Variants in FAM171A1 observed in about 807,000 individuals in gnomAD.
FAM171A1 encodes the protein family with sequence similarity 171 member A1.
Under a neutral mutation model 74.9 loss-of-function variants are expected in FAM171A1, and 23 were observed. The ratio of observed to expected loss-of-function variants is 0.31; its 90% CI spans 0.22 to 0.44. The LOEUF (loss-of-function observed/expected upper bound fraction) is 0.44, where lower values mean the gene tolerates loss of function less well. Among genes scored for constraint, FAM171A1 ranks in the 20% least tolerant of loss-of-function variants. The pLI is 1.00. For synonymous variants in FAM171A1, 527 were observed against 505.7 expected, an observed-to-expected ratio of 1.04 and a Z score of -0.57; for missense variants, 1,162 against 1,159.2, an observed-to-expected ratio of 1.00 and a Z score of -0.03.
At chr10:15,263,839 C>A (rs575961646) in intron 3 of FAM171A1, among the ~76,000 whole-genome samples, 5 of 151,358 alleles carry the variant, frequency 3.3e-5, no homozygotes, top group Admixed American at 1.3e-4. Context: ...TCTATCTATA[C>A]ATTTATCTCA....
intron 1 of FAM171A1, among the ~76,000 whole-genome samples, chr10:15,323,547 C>T (rs1001590136): frequency 6.6e-6 from 1 of 152,148 alleles, no homozygotes; most frequent in Non-Finnish European, 1.5e-5. Flanking sequence ...TCAGTACGTT[C>T]TCTCCCCTGC....
intron 1 of FAM171A1, among the ~76,000 whole-genome samples, chr10:15,352,271 A>C (rs1427377530): frequency 6.6e-6 from 1 of 152,064 alleles, no homozygotes; most frequent in East Asian, 1.9e-4. Context: ...TAAAATAAAA[A>C]TTAAAAAACA....
At chr10:15,269,753 T>C (rs537359295) in intron 3 of FAM171A1, among the ~76,000 whole-genome samples, 2 of 152,280 alleles carry the variant, frequency 1.3e-5, no homozygotes, top group Non-Finnish European at 2.9e-5. Flanking sequence ...AGGAAAGGGA[T>C]GGTGGCACAC....
At position 15,253,503 on chromosome 10, in the gene FAM171A1, T is replaced by A. The variant is rs563420147; in HGVS notation, c.577+1218A>T. ...GCACACAAAAATTAAAGAAGAAACG[T>A]TTTGGAAAACAGAGAGAAGAAAAAT... On this transcript the variant is annotated intron_variant, in intron 4 of 7. Transcript: ENST00000378116. 3.3e-5 allele frequency among the ~76,000 whole-genome samples: 5 copies of A among 152,278 alleles called. No homozygotes were observed. In the East Asian group the frequency reaches 9.6e-4, roughly 29 times the overall value.
intron 4 of FAM171A1, among the ~76,000 whole-genome samples, chr10:15,249,581 A>G (rs1470738197): frequency 6.6e-6 from 1 of 152,252 alleles, no homozygotes; most frequent in Non-Finnish European, 1.5e-5. Flanking sequence ...AATGTTTTAG[A>G]GCAGAGGCTG....
At chr10:15,291,309 C>T (rs1251367161) in intron 1 of FAM171A1, among the ~76,000 whole-genome samples, 2 of 152,154 alleles carry the variant, frequency 1.3e-5, no homozygotes, top group African/African-American at 4.8e-5. Flanking sequence ...TGAAACTAAC[C>T]ATCTCTTAAC....
At chr10:15,285,453 A>G (rs1835024135) in intron 1 of FAM171A1, among the ~76,000 whole-genome samples, 1 of 152,200 alleles carries the variant, frequency 6.6e-6, no homozygotes, top group African/African-American at 2.4e-5. Flanking sequence ...TGGGCTGAGG[A>G]AGAGGCAAGG....
At chr10:15,270,290 A>C (rs747197559) in intron 3 of FAM171A1, among the ~76,000 whole-genome samples, 1 of 152,230 alleles carries the variant, frequency 6.6e-6, no homozygotes, top group Non-Finnish European at 1.5e-5. Context: ...CTAGCACAGC[A>C]GTCTGAGATT....
At chr10:15,330,159 T>C (rs541892839) in intron 1 of FAM171A1, among the ~76,000 whole-genome samples, 8 of 152,144 alleles carry the variant, frequency 5.3e-5, no homozygotes, top group South Asian at 4.2e-4. Flanking sequence ...CTGGCCTACA[T>C]AGTGAAACTC....
chr10:15,253,998 G>C (rs1297798948), intron 4 of FAM171A1, among the ~76,000 whole-genome samples: 2 of 152,290 alleles, frequency 1.3e-5, no homozygotes, highest in Middle Eastern at 3.4e-3. Context: ...TTTTAGCTGT[G>C]GCATGCCAGA....
At chr10:15,275,972 A>G in intron 2 of FAM171A1, 25 bp from the exon 3 acceptor site, 1 of 1,559,632 alleles carries the variant, frequency 6.4e-7, no homozygotes, top group Non-Finnish European at 8.8e-7. Context: ...AATGGATAGA[A>G]GGGGATTTTA....
chr10:15,275,401 C>T (rs1834880377), intron 3 of FAM171A1, among the ~76,000 whole-genome samples: 1 of 151,902 alleles, frequency 6.6e-6, no homozygotes, highest in Admixed American at 6.6e-5. Flanking sequence ...ATTCTCCTGC[C>T]TCAGCCTCCC....
At chr10:15,283,733 C>T (rs1167480415) in intron 2 of FAM171A1, 145 bp downstream of exon 2, 2 of 734,378 alleles carry the variant, frequency 2.7e-6, no homozygotes, top group Non-Finnish European at 4.5e-6. Context: ...TACAGGTGCA[C>T]ACTATGATGC....
chr10:15,312,563 A>T (rs531814960), intron 1 of FAM171A1, among the ~76,000 whole-genome samples: 1 of 151,130 alleles, frequency 6.6e-6, no homozygotes, highest in Admixed American at 6.6e-5. Context: ...TGTGCAGCTC[A>T]GATTGTGGCT....
chr10:15,302,432 T>C (rs1835241720), intron 1 of FAM171A1, among the ~76,000 whole-genome samples: 1 of 148,350 alleles, frequency 6.7e-6, no homozygotes, highest in South Asian at 2.1e-4. Flanking sequence ...GCCACTGCAC[T>C]GCAGCCTGGG....
intron 1 of FAM171A1, among the ~76,000 whole-genome samples, chr10:15,337,485 C>A (rs1173686582): frequency 6.7e-6 from 1 of 149,570 alleles, no homozygotes; most frequent in Non-Finnish European, 1.5e-5. Flanking sequence ...CGCCTGTAAT[C>A]CCAGCACTTT....
At chr10:15,369,428 C>T (rs1278387822) in intron 1 of FAM171A1, among the ~76,000 whole-genome samples, 1 of 152,098 alleles carries the variant, frequency 6.6e-6, no homozygotes, top group Non-Finnish European at 1.5e-5. Context: ...TGCAATGCAA[C>T]ACTGATGATC....
chr10:15,344,851 T>A (rs1835801497), intron 1 of FAM171A1, among the ~76,000 whole-genome samples: 2 of 152,238 alleles, frequency 1.3e-5, no homozygotes, highest in Non-Finnish European at 2.9e-5. Flanking sequence ...CCCAACAAAA[T>A]GCTTTGATAT....
chr10:15,345,366 A>T (rs1835807006), intron 1 of FAM171A1, among the ~76,000 whole-genome samples: 1 of 152,096 alleles, frequency 6.6e-6, no homozygotes, highest in Admixed American at 6.6e-5. Context: ...TTCCATAAAT[A>T]TTTTCTGATT....
Sources: gnomAD v4.1 joint callset for allele counts (sites outside exome capture counted in the v4.1 genomes callset) on GRCh38, gnomAD v4.1.1 for gene constraint, MANE v1.5 for transcripts, NCBI Gene and HGNC (gene_info 2026-07-23, HGNC 2026-07-21) for gene names.